The following NIPSNAP3B variants were observed in gnomAD, a reference collection of about 807,000 sequenced individuals.
NIPSNAP3B encodes nipsnap homolog 3B.
NIPSNAP3B carries 30 observed loss-of-function variants against 31.5 expected under a neutral mutation model. That is an observed-to-expected ratio of 0.95 (90% CI 0.71 to 1.29). NIPSNAP3B has a LOEUF of 1.29. Ranked by LOEUF, NIPSNAP3B falls within the 50% of genes most tolerant of loss-of-function variation. NIPSNAP3B has a pLI of 0.00. For missense variants in NIPSNAP3B, 269 were observed against 300.7 expected, an observed-to-expected ratio of 0.89 and a Z score of 0.78; for synonymous variants, 106 against 107.9, an observed-to-expected ratio of 0.98 and a Z score of 0.11.
rs902357173 is a variant in NIPSNAP3B, at chr9:104,774,237, C to A, written c.*1164C>A. ...AAATTGTGAATTAGCTGTCCAAGGG[C>A]AATTTGGAAAACAAACTGTACAGTT... On this transcript the variant is annotated 3_prime_UTR_variant, in exon 6 of 6. Coordinates refer to ENST00000374762, the MANE Select transcript of NIPSNAP3B (RefSeq NM_018376.4). Among the ~76,000 whole-genome samples, 26 of 152,268 alleles carry A rather than the reference C, an allele frequency of 1.7e-4. 1 individual carries two copies. The highest frequency in any genetic ancestry group is 1.7e-3 in the South Asian group (8 of 4,822).
At chr9:104,766,088 A>T (rs1828084654) in intron 1 of NIPSNAP3B, among the ~76,000 whole-genome samples, 1 of 152,226 alleles carries the variant, frequency 6.6e-6, no homozygotes, top group South Asian at 2.1e-4. Context: ...ATTCTCGTGA[A>T]AAAATGGCTA....
rs904423956 is a variant in NIPSNAP3B, at chr9:104,773,246, A to T, written c.*173A>T. 1.1e-5 allele frequency: 7 copies of T among 623,828 alleles called. No individual in the cohort carries two copies. Among genetic ancestry groups the T allele is most frequent in the Non-Finnish European group, 1.9e-5 (7 of 363,096 alleles). The allele number at this position is 623,828 out of a possible 1,614,324, so 38.6% of individuals were successfully genotyped here. Reference sequence around the variant, plus strand: ...GTTACATATTCTCCACTGCTTTAAGAAATAATTCAGTTCACTTTCACCTTG... The same window carrying T: ...GTTACATATTCTCCACTGCTTTAAGTAATAATTCAGTTCACTTTCACCTTG... On this transcript the variant is annotated 3_prime_UTR_variant, in exon 6 of 6. Transcript: ENST00000374762.
downstream of NIPSNAP3B, among the ~76,000 whole-genome samples, chr9:104,779,664 A>G (rs1828421208): frequency 6.6e-6 from 1 of 151,830 alleles, no homozygotes; most frequent in Admixed American, 6.6e-5. Context: ...ACCATTACAA[A>G]GTGCCAAGTT....
chr9:104,772,017 A>G (rs1158019849), intron 4 of NIPSNAP3B, among the ~76,000 whole-genome samples: 3 of 152,168 alleles, frequency 2.0e-5, no homozygotes, highest in East Asian at 1.9e-4. Context: ...TTGGTCTCAT[A>G]TATGTCTTCT....
At chr9:104,787,317 A>G in the NIPSNAP3B span, among the ~76,000 whole-genome samples, 123 of 152,190 alleles carry the variant, frequency 8.1e-4, no homozygotes, top group Non-Finnish European at 5.9e-5. Flanking sequence ...TGAAACCTCT[A>G]TTGAAGTCAG....
intron 4 of NIPSNAP3B, chr9:104,771,240 G>A (rs540557064): frequency 1.4e-5 from 5 of 355,348 alleles, no homozygotes; most frequent in East Asian, 1.0e-4. Flanking sequence ...TTAGGTTCAC[G>A]GGGTACATGT....
chr9:104,768,743 G>A (rs1828139889), intron 2 of NIPSNAP3B, 120 bp from the exon 3 acceptor site: 5 of 744,274 alleles, frequency 6.7e-6, no homozygotes, highest in Admixed American at 3.0e-5. Flanking sequence ...CATCTCCAGC[G>A]ACATAATAAC....
In NIPSNAP3B at chr9:104,773,106, TG is replaced by T. The variant is rs1828261307; in HGVS notation, c.*34del. 1 of 1,587,430 alleles carries T rather than the reference TG, an allele frequency of 6.3e-7. No homozygotes were observed. Among genetic ancestry groups the T allele is most frequent in the South Asian group, 1.1e-5 (1 of 90,376 alleles). On this transcript the variant is annotated 3_prime_UTR_variant, in exon 6 of 6. Coordinates refer to ENST00000374762, the MANE Select transcript of NIPSNAP3B (RefSeq NM_018376.4). The stretch of plus-strand genomic sequence containing the variant: ...CTGAAATACAAAACATTTCATTAAC[TG>T]CTCTAAGATGTGTCTGCTAATGGTG...
chr9:104,766,081 C>G (rs1348686793), intron 1 of NIPSNAP3B, among the ~76,000 whole-genome samples: 1 of 152,102 alleles, frequency 6.6e-6, no homozygotes, highest in African/African-American at 2.4e-5. Context: ...TGAGCAAATT[C>G]TCGTGAAAAA....
At position 104,764,167 on chromosome 9, in the gene NIPSNAP3B, T is replaced by G. The variant is rs567426666; in HGVS notation, c.-74T>G. 1 of 1,437,032 alleles carries G rather than the reference T, an allele frequency of 7.0e-7. No homozygotes were observed. Among genetic ancestry groups the G allele is most frequent in the Non-Finnish European group, 9.5e-7 (1 of 1,050,612 alleles). 89.0% of individuals were successfully genotyped at this position (1,437,032 alleles called of 1,614,324 possible). A position where few individuals can be genotyped will look rare whatever the true frequency, so the allele number is the denominator to read the frequency against. ...GCCAGTGGTCCAGGAGCCGCTTTTT[T>G]CCACTCGGGAAGACTTCAGAGAAGT... is the stretch of plus-strand genomic sequence containing the variant. On this transcript the variant is annotated 5_prime_UTR_variant, in exon 1 of 6. Transcript: ENST00000374762.
the NIPSNAP3B span, among the ~76,000 whole-genome samples, chr9:104,790,400 C>G: frequency 6.6e-6 from 1 of 152,118 alleles, no homozygotes; most frequent in African/African-American, 2.4e-5. Flanking sequence ...ATTATAGGTA[C>G]ATGTACATAG....
chr9:104,787,599 C>T, the NIPSNAP3B span, among the ~76,000 whole-genome samples: 1 of 152,156 alleles, frequency 6.6e-6, no homozygotes, highest in Non-Finnish European at 1.5e-5. Flanking sequence ...AAGCTGTGTC[C>T]ACACTCTTCA....
At position 104,770,997 on chromosome 9, in the gene NIPSNAP3B, A is replaced by T; in HGVS notation, c.579A>T (p.Arg193Ser). 1 of 1,613,578 alleles carries T rather than the reference A, an allele frequency of 6.2e-7. No homozygotes were observed. Among genetic ancestry groups the T allele is most frequent in the Non-Finnish European group, 8.5e-7 (1 of 1,179,586 alleles). Residue 193 changes from arginine (R) to serine (S), a missense_variant and splice_region_variant, in exon 4 of 6, where the codon AGA (arginine) becomes AGT (serine). Arg to Ser is a moderately radical substitution (Grantham distance 110). Coordinates refer to ENST00000374762, the MANE Select transcript of NIPSNAP3B (RefSeq NM_018376.4). Reference sequence around the variant, plus strand: ...ACACAGAATATGGAGAACTCAACAGAGGTACAGTTGTCCATTTGTTCTATG... The same window carrying T: ...ACACAGAATATGGAGAACTCAACAGTGGTACAGTTGTCCATTTGTTCTATG... ...VFHTEYGELN[R>S]VHVLWWNESA...
rs1156569071 is a variant in NIPSNAP3B, at chr9:104,764,303, A to C, written c.60+3A>C. On this transcript the variant is annotated splice_donor_region_variant and intron_variant, in intron 1 of 5. Coordinates refer to ENST00000374762, the MANE Select transcript of NIPSNAP3B (RefSeq NM_018376.4). ...CCTCACGGACGCTCGCGCCTCAGGTACTGGCCGCGGGGGCGCGCCCGAGCC... is the reference window on the plus strand; with the variant it reads ...CCTCACGGACGCTCGCGCCTCAGGTCCTGGCCGCGGGGGCGCGCCCGAGCC... 17 of 1,580,702 alleles carry C rather than the reference A, an allele frequency of 1.1e-5. No homozygotes were observed. Among genetic ancestry groups the C allele is most frequent in the Non-Finnish European group, 1.4e-5 (16 of 1,165,876 alleles).
At chr9:104,779,490 C>T (rs926345291), downstream of NIPSNAP3B, among the ~76,000 whole-genome samples, 5 of 152,068 alleles carry the variant, frequency 3.3e-5, no homozygotes, top group Non-Finnish European at 5.9e-5. Flanking sequence ...TACCTTTGGA[C>T]GAGTTTCTTA....
At chr9:104,765,499 C>G (rs531762606) in intron 1 of NIPSNAP3B, among the ~76,000 whole-genome samples, 10 of 152,284 alleles carry the variant, frequency 6.6e-5, no homozygotes, top group Middle Eastern at 3.4e-3. Flanking sequence ...CTCACTCAGG[C>G]TCAGAGGGCC....
chr9:104,781,925 AAC>A (rs1477346329), downstream of NIPSNAP3B: 3 of 152,302 alleles, frequency 2.0e-5, no homozygotes, highest in Non-Finnish European at 2.9e-5. Context: ...TTTAAAAGGT[AAC>A]ACAGTATTAA....
At chr9:104,779,633 T>TA (rs1161753458), downstream of NIPSNAP3B, among the ~76,000 whole-genome samples, 1 of 151,986 alleles carries the variant, frequency 6.6e-6, no homozygotes, top group Non-Finnish European at 1.5e-5. Flanking sequence ...TTTTTTTTTT[T>TA]TTTTACTTAA....
At chr9:104,779,847 A>G (rs1009995810), downstream of NIPSNAP3B, among the ~76,000 whole-genome samples, 6 of 152,074 alleles carry the variant, frequency 3.9e-5, no homozygotes, top group Non-Finnish European at 8.8e-5. Flanking sequence ...TGGCCAACGT[A>G]TAGTGAAACC....
Sources: allele counts gnomAD v4.1 joint callset (sites outside exome capture counted in the v4.1 genomes callset), GRCh38; gene constraint gnomAD v4.1.1; transcripts MANE v1.5; gene names NCBI Gene and HGNC (gene_info 2026-07-23, HGNC 2026-07-21).